RUNX1T1: variants seen among roughly 807,000 people sequenced by gnomAD.
The protein encoded by RUNX1T1 is RUNX1 partner transcriptional co-repressor 1.
Under a neutral mutation model 62.8 loss-of-function variants are expected in RUNX1T1, and 4 were observed. That is an observed-to-expected ratio of 0.06 (90% CI 0.03 to 0.15). The LOEUF is 0.15. Among genes scored for constraint, RUNX1T1 ranks in the 10% least tolerant of loss-of-function variants. The pLI is 1.00. For missense variants in RUNX1T1, 508 were observed against 754.3 expected (o/e 0.67, Z 3.82); for synonymous variants, 291 against 286.0 (o/e 1.02, Z -0.18).
intron 8 of RUNX1T1, chr8:91,977,126 CA>C (rs1201604208): frequency 2.6e-5 from 5 of 195,722 alleles, no homozygotes; most frequent in African/African-American, 1.2e-4. Flanking sequence ...GCTTTAAATA[CA>C]TTTGAATGCT....
chr8:92,046,018 A>T (rs940731479), intron 1 of RUNX1T1, among the ~76,000 whole-genome samples: 3 of 152,164 alleles, frequency 2.0e-5, no homozygotes, highest in African/African-American at 7.2e-5. Flanking sequence ...AATAATTTAA[A>T]CTGAACATGC....
intron 1 of RUNX1T1, among the ~76,000 whole-genome samples, chr8:92,044,977 T>A (rs1829135515): frequency 6.6e-6 from 1 of 151,170 alleles, no homozygotes; most frequent in Non-Finnish European, 1.5e-5. Flanking sequence ...AAGCCTGTAA[T>A]CCTAGCACTT....
intron 10 of RUNX1T1, among the ~76,000 whole-genome samples, chr8:91,966,259 C>T (rs1338634375): frequency 2.0e-5 from 3 of 151,710 alleles, no homozygotes; most frequent in Non-Finnish European, 2.9e-5. Context: ...ATTGTGAAGG[C>T]TTTGACAGGA....
chr8:91,967,781 G>A (rs1448771934), intron 10 of RUNX1T1, among the ~76,000 whole-genome samples: 6 of 152,214 alleles, frequency 3.9e-5, no homozygotes, highest in African/African-American at 1.4e-4. Context: ...CCACATATAC[G>A]TTGTTTTAGA....
At chr8:91,994,560 T>C (rs1297134549) in intron 5 of RUNX1T1, 2 of 493,958 alleles carry the variant, frequency 4.0e-6, no homozygotes, top group Non-Finnish European at 8.0e-6. Flanking sequence ...GTCCTGGCTC[T>C]TCCATGACTA....
exon 1 of RUNX1T1, chr8:92,099,586 A>T (rs1270553121): frequency 3.1e-6 from 3 of 981,392 alleles, no homozygotes; most frequent in Non-Finnish European, 2.4e-6. Context: ...TTACAGTAAT[A>T]GACTCCGGCA....
intron 1 of RUNX1T1, among the ~76,000 whole-genome samples, chr8:92,034,538 T>C (rs1262944412): frequency 6.6e-6 from 1 of 152,046 alleles, no homozygotes; most frequent in Non-Finnish European, 1.5e-5. Context: ...GATATGCATT[T>C]AACGGAGATT....
chr8:92,040,706 C>T (rs1253451335), intron 1 of RUNX1T1, among the ~76,000 whole-genome samples: 1 of 152,092 alleles, frequency 6.6e-6, no homozygotes. Context: ...ATGCCTTCCT[C>T]GTCAGGGTGA....
At chr8:91,993,646 T>A (rs1393411039) in intron 5 of RUNX1T1, among the ~76,000 whole-genome samples, 1 of 152,136 alleles carries the variant, frequency 6.6e-6, no homozygotes, top group Non-Finnish European at 1.5e-5. Context: ...CCCCAGCTCC[T>A]CAATAACAGA....
intron 1 of RUNX1T1, among the ~76,000 whole-genome samples, chr8:92,082,598 C>G (rs903050196): frequency 6.6e-6 from 1 of 152,118 alleles, no homozygotes; most frequent in East Asian, 1.9e-4. Context: ...GCTGCACTGC[C>G]GAAACTGTCT....
At chr8:92,001,098 G>A (rs1037538105) in intron 5 of RUNX1T1, among the ~76,000 whole-genome samples, 6 of 152,112 alleles carry the variant, frequency 3.9e-5, no homozygotes, top group African/African-American at 9.7e-5. Flanking sequence ...GCCTGAGGCA[G>A]CAGGTTCACA....
At position 91,988,494 on chromosome 8, in the gene RUNX1T1, T is replaced by A. The variant is rs78875190; in HGVS notation, c.911-1522A>T. On this transcript the variant is annotated intron_variant, in intron 6 of 10. Transcript: ENST00000396218. ...TGCAAATATGTAATTTTTGTTAACTTATTTGTTGCCTGGGTTTTAGAGAAA... is the reference window on the plus strand; with the variant it reads ...TGCAAATATGTAATTTTTGTTAACTAATTTGTTGCCTGGGTTTTAGAGAAA... Among the ~76,000 whole-genome samples, 128 of 152,324 alleles carry A rather than the reference T, an allele frequency of 8.4e-4. 2 individuals are homozygous for A. The East Asian group carries it at 0.022, about 26-fold the overall frequency.
intron 1 of RUNX1T1, among the ~76,000 whole-genome samples, chr8:92,042,045 G>A (rs750274787): frequency 1.3e-5 from 2 of 151,220 alleles, no homozygotes; most frequent in Non-Finnish European, 1.5e-5. Flanking sequence ...CTGGTCTCCA[G>A]CTCCTGACCT....
chr8:92,081,744 T>C (rs1260906671), intron 1 of RUNX1T1, among the ~76,000 whole-genome samples: 1 of 152,120 alleles, frequency 6.6e-6, no homozygotes, highest in African/African-American at 2.4e-5. Flanking sequence ...CAAGAGGCTA[T>C]AACAACTGTC....
Position 92,005,107 on chromosome 8 carries a change from C to T in RUNX1T1, c.659+9G>A. On this transcript the variant is annotated intron_variant, in intron 5 of 10. Coordinates refer to ENST00000396218, the Ensembl canonical transcript of RUNX1T1. ...GTCATGGTTCATCCAGGCTCCTCCT[C>T]CCTCTCACCTGTCTGGAGTTCGCCT... 1 of 1,595,686 alleles carries T rather than the reference C, an allele frequency of 6.3e-7. No homozygotes were observed. Among genetic ancestry groups the T allele is most frequent in the Non-Finnish European group, 8.5e-7 (1 of 1,172,174 alleles).
In RUNX1T1 at chr8:92,050,212, G is replaced by A. The variant is rs141824153; in HGVS notation, c.7+12334C>T. Among the ~76,000 whole-genome samples the A allele has an allele frequency of 7.4e-3, 1,123 of 152,224 alleles. 11 individuals are homozygous for A. Among genetic ancestry groups the A allele is most frequent in the African/African-American group, 0.026 (1,081 of 41,554 alleles). On this transcript the variant is annotated intron_variant, in intron 1 of 10. Transcript: ENST00000396218. ...GGAGGAAAATCTAGGTTGTTTCACT[G>A]GGCATAGATTTTGCCATATAATTCC...
chr8:92,027,216 A>C (rs2131275590), intron 1 of RUNX1T1, among the ~76,000 whole-genome samples: 1 of 152,326 alleles, frequency 6.6e-6, no homozygotes, highest in Admixed American at 6.5e-5. Flanking sequence ...AATTAAGATT[A>C]AATAAAATTT....
At chr8:92,064,740 A>G (rs1832610637), upstream of RUNX1T1, among the ~76,000 whole-genome samples, 1 of 152,198 alleles carries the variant, frequency 6.6e-6, no homozygotes, top group African/African-American at 2.4e-5. Flanking sequence ...GACAAAATGC[A>G]ATACACTTTT....
chr8:91,986,159 T>C, exon 8 of RUNX1T1: 1 of 1,614,170 alleles, frequency 6.2e-7, no homozygotes, highest in African/African-American at 1.3e-5. Context: ...GGGACTCTGC[T>C]GCCTAGAGTG....
Sources: allele counts gnomAD v4.1 joint callset (sites outside exome capture counted in the v4.1 genomes callset), GRCh38; gene constraint gnomAD v4.1.1; transcripts MANE v1.5; gene names NCBI Gene and HGNC (gene_info 2026-07-23, HGNC 2026-07-21).